Variants in MYO1A observed in about 807,000 individuals in gnomAD.
MYO1A encodes the protein unconventional myosin-Ia.
MYO1A carries 127 observed loss-of-function variants against 138.5 expected under a neutral mutation model. That is an observed-to-expected ratio of 0.92 (90% CI 0.79 to 1.06). MYO1A has a LOEUF of 1.06. Ranked by LOEUF, MYO1A falls within the 50% of genes least tolerant of loss-of-function variation. The pLI is 0.00. For synonymous variants in MYO1A, 477 were observed against 497.5 expected, an observed-to-expected ratio of 0.96 and a Z score of 0.55; for missense variants, 1,211 against 1,288.8, an observed-to-expected ratio of 0.94 and a Z score of 0.92.
chr12:57,043,813 A>G, intron 10 of MYO1A, 43 bp downstream of exon 10: 2 of 1,613,680 alleles, frequency 1.2e-6, no homozygotes, highest in Non-Finnish European at 1.7e-6. Context: ...GTAGTAGGAA[A>G]TTCAGGGTCT....
chr12:57,042,108 A>C (rs938005296), intron 12 of MYO1A, among the ~76,000 whole-genome samples: 2 of 152,226 alleles, frequency 1.3e-5, no homozygotes, highest in African/African-American at 4.8e-5. Context: ...ACCCCACAAA[A>C]GAAATCCTAT....
chr12:57,034,954 GAA>G (rs1314480244), intron 22 of MYO1A, among the ~76,000 whole-genome samples: 2 of 152,086 alleles, frequency 1.3e-5, no homozygotes, highest in African/African-American at 4.8e-5. Flanking sequence ...TGACAAGAGT[GAA>G]ACTCTGTCTC....
At chr12:57,039,308 C>A (rs576588068) in intron 14 of MYO1A, 34 bp from the exon 15 acceptor site, 14 of 1,563,398 alleles carry the variant, frequency 9.0e-6, no homozygotes, top group African/African-American at 1.4e-5. Context: ...ACAGGGAACA[C>A]GTCCAAGACA....
chr12:57,029,564 CAGG>C lies in MYO1A; in HGVS notation c.2745_2747del (p.Leu916del), dbSNP rs958915780. On this transcript the variant is annotated inframe_deletion, in exon 26 of 28. Coordinates refer to ENST00000300119, the MANE Select transcript of MYO1A (RefSeq NM_005379.4). ...CTGTGAGAATCACATGGCCCTTGGT[CAGG>C]AGGAGAATCCGAGAAGAAGTCTAGG... 1.9e-6 allele frequency: 3 copies of C among 1,614,082 alleles called. No homozygotes were observed. The highest frequency in any genetic ancestry group is 1.3e-5 in the African/African-American group (1 of 74,924).
rs1378733882 is a variant in MYO1A at position 57,047,347 on chromosome 12, T to C, written c.386A>G (p.Asn129Ser). The C allele has an allele frequency of 3.7e-6, 6 of 1,614,018 alleles. No homozygotes were observed. The highest frequency in any genetic ancestry group is 3.3e-5 in the South Asian group (3 of 91,070). ...CTGTAGCAGCTGCTCCTTCACAGAG[T>C]TCACCTGCTCTCCTTTCCCACAGAC... The part of the protein sequence containing the change: ...AAVCGKGEQV[N>S]SVKEQLLQSN... Residue 129 changes from asparagine to serine, a missense_variant, in exon 5 of 28, where the codon AAC becomes AGC. Physicochemically the swap from Asn to Ser is conservative, Grantham distance 46 (BLOSUM62 1). Coordinates refer to ENST00000300119, the MANE Select transcript of MYO1A (RefSeq NM_005379.4).
intron 1 of MYO1A, among the ~76,000 whole-genome samples, 165 bp from the exon 2 acceptor site, chr12:57,048,508 T>C (rs925872542): frequency 1.3e-5 from 2 of 151,970 alleles, no homozygotes; most frequent in East Asian, 1.9e-4. Flanking sequence ...CCCAAGCTAA[T>C]AGGGAGGCTG....
Position 57,029,930 on chromosome 12 carries a change from C to G in MYO1A, c.2592-58G>C, listed in dbSNP as rs56156199. 49,004 of 1,613,310 alleles carry G rather than the reference C, an allele frequency of 0.03. 1,067 individuals carry two copies. The highest frequency in any genetic ancestry group is 0.11 in the African/African-American group (7,991 of 75,000). On this transcript the variant is annotated intron_variant, in intron 24 of 27. Transcript: ENST00000300119. ...AGGCCCAGAGGCCTCTTCCCCACCC[C>G]CAGAGTTCCCATCCTAGTCCTCCCG...
In MYO1A at chr12:57,042,190, T is replaced by C. The variant is rs953854472; in HGVS notation, c.1099-693A>G. Among the ~76,000 whole-genome samples, 5 of 152,234 alleles carry C rather than the reference T, an allele frequency of 3.3e-5. No individual in the cohort carries two copies. In the East Asian group the frequency reaches 9.6e-4, roughly 29 times the overall value. On this transcript the variant is annotated intron_variant, in intron 12 of 27. Coordinates refer to ENST00000300119, the MANE Select transcript of MYO1A (RefSeq NM_005379.4). ...CATTCATTGATCTACTTCCCATCTC[T>C]ATGAATTTGCCTATTGTGGACATTT...
Position 57,037,567 on chromosome 12 carries a change from A to G in MYO1A, c.2036T>C (p.Phe679Ser), listed in dbSNP as rs747462951. 6.2e-7 allele frequency: 1 copy of G among 1,614,106 alleles called. No homozygotes were observed. The highest frequency in any genetic ancestry group is 2.2e-5 in the East Asian group (1 of 44,884). ...GELAFGKTKI[F>S]IRSPKTLFYL... is the part of the protein sequence containing the mutation. ...ACTCACAGTCTTGGGGCTTCTAATG[A>G]AGATCTTTGTCTTGCCAAAGGCCAG... is the stretch of plus-strand genomic sequence containing the variant. Residue 679 changes from phenylalanine to serine, a missense_variant, in exon 19 of 28, where the codon TTC becomes TCC. Phe to Ser is a radical substitution (Grantham distance 155). Coordinates refer to ENST00000300119, the MANE Select transcript of MYO1A (RefSeq NM_005379.4).
intron 19 of MYO1A, 43 bp from the exon 20 acceptor site, chr12:57,037,134 G>A (rs1356542235): frequency 3.1e-6 from 5 of 1,611,838 alleles, no homozygotes; most frequent in South Asian, 2.2e-5. Flanking sequence ...CTGGCTCAGG[G>A]GAACAGTGCT....
Position 57,043,873 on chromosome 12 carries a change from C to A in MYO1A, c.875G>T (p.Gly292Val), listed in dbSNP as rs1565646625. Residue 292 changes from glycine (G) to valine (V), a missense_variant, in exon 10 of 28, where the codon GGC (glycine) becomes GTC (valine). Coordinates refer to ENST00000300119, the MANE Select transcript of MYO1A (RefSeq NM_005379.4). ...EFQASGIPASGIRDGRGVREI... is the reference protein window; with the variant it reads ...EFQASGIPASVIRDGRGVREI... Reference sequence around the variant, plus strand: ...ATGCAGACCTCTCCCATCACGGATGCCACTTGCTGGTATCCCACTGGCCTG... The same window carrying A: ...ATGCAGACCTCTCCCATCACGGATGACACTTGCTGGTATCCCACTGGCCTG... 3 of 1,614,146 alleles carry A rather than the reference C, an allele frequency of 1.9e-6. No homozygotes were observed. The highest frequency in any genetic ancestry group is 2.5e-6 in the Non-Finnish European group (3 of 1,180,014).
intron 12 of MYO1A, among the ~76,000 whole-genome samples, chr12:57,041,831 C>A (rs1303624323): frequency 1.3e-5 from 2 of 152,188 alleles, no homozygotes; most frequent in Admixed American, 1.3e-4. Flanking sequence ...TTTATCATAA[C>A]CTTATAAGGT....
In MYO1A at chr12:57,044,147, C is replaced by T. The variant is rs757445114; in HGVS notation, c.703G>A (p.Val235Met). ...CTGGAGGCGTCGTCCATGCCATCCA[C>T]TCTGGATACTTCATGATTCAGATAG... ...YAYLNHEVSR[V>M]DGMDDASSFR... is the part of the protein sequence containing the mutation. Residue 235 changes from valine (V) to methionine (M), a missense_variant, in exon 9 of 28, where the codon GTG becomes ATG. Transcript: ENST00000300119. 5.5e-5 allele frequency: 89 copies of T among 1,614,118 alleles called. No homozygotes were observed. Among genetic ancestry groups the T allele is most frequent in the Non-Finnish European group, 7.5e-5 (88 of 1,180,066 alleles).
At chr12:57,035,184 T>C (rs1035203677) in intron 22 of MYO1A, among the ~76,000 whole-genome samples, 1 of 151,410 alleles carries the variant, frequency 6.6e-6, no homozygotes, top group Non-Finnish European at 1.5e-5. Context: ...AATACACAGA[T>C]GAAAGAAAAG....
At chr12:57,036,096 C>T (rs1592473112) in intron 22 of MYO1A, among the ~76,000 whole-genome samples, 1 of 152,238 alleles carries the variant, frequency 6.6e-6, no homozygotes, top group Non-Finnish European at 1.5e-5. Flanking sequence ...ATTGTCCACT[C>T]ATGCCAAAAT....
At chr12:57,037,826 G>C in intron 18 of MYO1A, 43 bp downstream of exon 18, 1 of 1,602,326 alleles carries the variant, frequency 6.2e-7, no homozygotes, top group Non-Finnish European at 8.5e-7. Flanking sequence ...GATGTTTCCT[G>C]CACTGCCCTT....
rs1219561955 is a variant in MYO1A at position 57,048,058 on chromosome 12, A to G, written c.161T>C (p.Leu54Pro). Residue 54 changes from leucine to proline, a missense_variant, in exon 3 of 28, where the codon CTT (leucine) becomes CCT (proline). Transcript: ENST00000300119. ...VVISVNPYQQ[L>P]PIYGPEFIAK... ...AATGAACTCTGGCCCATAGATGGGA[A>G]GCTGTTGATAGGGATTCACTGAGAT... The G allele has an allele frequency of 1.9e-6, 3 of 1,614,060 alleles. No individual in the cohort carries two copies. The highest frequency in any genetic ancestry group is 1.6e-4 in the Middle Eastern group (1 of 6,084).
Position 57,043,911 on chromosome 12 carries a change from C to A in MYO1A, c.837G>T (p.Val279=). The A allele has an allele frequency of 6.2e-7, 1 of 1,614,212 alleles. No individual in the cohort carries two copies. The highest frequency in any genetic ancestry group is 1.1e-5 in the South Asian group (1 of 91,074). The change falls in exon 10 of 28, where the codon GTG becomes GTT. Residue 279 remains valine (V), a synonymous_variant. Coordinates refer to ENST00000300119, the MANE Select transcript of MYO1A (RefSeq NM_005379.4). ...TCCCACTGGCCTGGAACTCATCAGC[C>A]ACCAACACGTTCCCCAGCTTTAGCA... ...SMVLKLGNVL[V]ADEFQASGIP...
chr12:57,043,527 G>A (rs1488332887), intron 10 of MYO1A, among the ~76,000 whole-genome samples, 169 bp from the exon 11 acceptor site: 1 of 152,154 alleles, frequency 6.6e-6, no homozygotes. Context: ...AGGGAGTTGG[G>A]GGACAGAAGA....
Sources: gnomAD v4.1 joint callset for allele counts (sites outside exome capture counted in the v4.1 genomes callset) on GRCh38, gnomAD v4.1.1 for gene constraint, MANE v1.5 for transcripts, NCBI Gene and HGNC (gene_info 2026-07-23, HGNC 2026-07-21) for gene names.